The following ZNF451 variants were observed in gnomAD, a reference collection of about 807,000 sequenced individuals.
ZNF451 encodes zinc finger protein 451.
ZNF451 carries 80 observed loss-of-function variants against 107.1 expected under a neutral mutation model. The ratio of observed to expected loss-of-function variants is 0.75; its 90% CI spans 0.62 to 0.90. The LOEUF (loss-of-function observed/expected upper bound fraction) is 0.90, where lower values mean the gene tolerates loss of function less well. Ranked by LOEUF, ZNF451 falls within the 40% of genes least tolerant of loss-of-function variation. ZNF451 has a pLI of 0.00. For synonymous variants in ZNF451, 362 were observed against 406.5 expected (o/e 0.89, Z 1.32); for missense variants, 1,107 against 1,236.2 (o/e 0.90, Z 1.57).
intron 2 of ZNF451, among the ~76,000 whole-genome samples, chr6:57,092,524 A>G (rs947486917): frequency 6.6e-6 from 1 of 152,220 alleles, no homozygotes; most frequent in Non-Finnish European, 1.5e-5. Context: ...AAGCCTATTA[A>G]AAATTTTCCC....
intron 9 of ZNF451, 127 bp downstream of exon 9, chr6:57,142,222 A>G (rs1831804534): frequency 1.7e-6 from 2 of 1,150,320 alleles, no homozygotes; most frequent in East Asian, 4.7e-5. Context: ...CCTGGAAATT[A>G]GCCAAATTTA....
At chr6:57,097,517 A>C (rs1829385859) in intron 2 of ZNF451, among the ~76,000 whole-genome samples, 1 of 152,170 alleles carries the variant, frequency 6.6e-6, no homozygotes, top group Non-Finnish European at 1.5e-5. Flanking sequence ...CTAGTGTTTT[A>C]GAGCCTGGCT....
intron 13 of ZNF451, among the ~76,000 whole-genome samples, chr6:57,156,770 A>G (rs1481164791): frequency 6.6e-6 from 1 of 152,212 alleles, no homozygotes; most frequent in East Asian, 1.9e-4. Flanking sequence ...CCATTTTGGC[A>G]CCAGGGACTG....
In ZNF451 at chr6:57,169,366, A is replaced by G. The variant is rs1283111974; in HGVS notation, c.*897A>G. 1 of 152,046 alleles carries G rather than the reference A, an allele frequency of 6.6e-6. No individual in the cohort carries two copies. Among genetic ancestry groups the G allele is most frequent in the Admixed American group, 6.6e-5 (1 of 15,262 alleles). The allele number at this position is 152,046 out of a possible 1,614,324, so 9.4% of individuals were successfully genotyped here. A position where few individuals can be genotyped will look rare whatever the true frequency, so the allele number is the denominator to read the frequency against. Reference sequence around the variant, plus strand: ...CAGTTTAGTTATTCACTGAATTGTCAGTTTCCTTCATTTGGTATTACATAT... The same window carrying G: ...CAGTTTAGTTATTCACTGAATTGTCGGTTTCCTTCATTTGGTATTACATAT... On this transcript the variant is annotated 3_prime_UTR_variant, in exon 15 of 15. Coordinates refer to ENST00000370706, the MANE Select transcript of ZNF451 (RefSeq NM_001031623.3).
chr6:57,094,223 T>G (rs1829182116), intron 2 of ZNF451, among the ~76,000 whole-genome samples: 1 of 152,238 alleles, frequency 6.6e-6, no homozygotes, highest in African/African-American at 2.4e-5. Context: ...CTAAACTGTT[T>G]TGCCATGCTT....
At chr6:57,158,428 T>C in intron 13 of ZNF451, 1 of 777,818 alleles carries the variant, frequency 1.3e-6, no homozygotes. Context: ...AAAGTGATTA[T>C]ATGCTGAATA....
At chr6:57,132,849 C>CT (rs1187131004) in intron 5 of ZNF451, among the ~76,000 whole-genome samples, 193 bp from the exon 6 acceptor site, 4 of 151,456 alleles carry the variant, frequency 2.6e-5, no homozygotes, top group Admixed American at 6.6e-5. Context: ...ATATTAAGGG[C>CT]TTTTTTTTGG....
At chr6:57,109,179 C>G in intron 3 of ZNF451, 1 of 985,336 alleles carries the variant, frequency 1.0e-6, no homozygotes, top group Non-Finnish European at 1.2e-6. Context: ...TAAGATTATT[C>G]TTGATTCGTA....
In ZNF451 at chr6:57,141,283, G is replaced by T. The variant is rs1214335423; in HGVS notation, c.703-19G>T. The T allele has an allele frequency of 1.3e-6, 2 of 1,578,574 alleles. No individual in the cohort carries two copies. The highest frequency in any genetic ancestry group is 1.8e-5 in the Admixed American group (1 of 56,432). On this transcript the variant is annotated intron_variant, in intron 7 of 14. Coordinates refer to ENST00000370706, the MANE Select transcript of ZNF451 (RefSeq NM_001031623.3). ...GTTTATTTTAGTTTTCCATAATACA[G>T]CTTTGTCTTATATTTTAGGAAGCCA...
chr6:57,104,667 A>G (rs1829764020), intron 3 of ZNF451: 2 of 984,816 alleles, frequency 2.0e-6, no homozygotes, highest in African/African-American at 1.7e-5. Flanking sequence ...AGCGTATGGT[A>G]GTGTTGACTA....
At position 57,170,243 on chromosome 6, in the gene ZNF451, G is replaced by A. The variant is rs551952010; in HGVS notation, c.*1774G>A. On this transcript the variant is annotated 3_prime_UTR_variant, in exon 15 of 15. Coordinates refer to ENST00000370706, the MANE Select transcript of ZNF451 (RefSeq NM_001031623.3). ...TTAGACACAAGGAGATGTAATCGCT[G>A]TGTAACATCAGAGAAAGCTATATGG... 1.8e-4 allele frequency: 28 copies of A among 152,348 alleles called. No individual in the cohort carries two copies. The highest frequency in any genetic ancestry group is 6.5e-4 in the African/African-American group (27 of 41,582). 9.4% of individuals were successfully genotyped at this position (152,348 alleles called of 1,614,324 possible).
At position 57,134,809 on chromosome 6, in the gene ZNF451, G is replaced by A. The variant is rs1438909685; in HGVS notation, c.641G>A (p.Cys214Tyr). ...LHGPFFSSFACVVCYKKFVTQ... is the reference protein window; with the variant it reads ...LHGPFFSSFAYVVCYKKFVTQ... Reference sequence around the variant, plus strand: ...GGACCTTTCTTCAGCTCCTTTGCTTGTGTAGTATGTTATAAAAAATTTGTT... The same window carrying A: ...GGACCTTTCTTCAGCTCCTTTGCTTATGTAGTATGTTATAAAAAATTTGTT... The change falls in exon 7 of 15, where the codon TGT becomes TAT. Residue 214 changes from cysteine to tyrosine, a missense_variant. This residue lies in a region of ZNF451 where 339 missense variants were observed against 372.8 expected (regional missense o/e 0.91). Transcript: ENST00000370706. 1 of 1,612,568 alleles carries A rather than the reference G, an allele frequency of 6.2e-7. No individual in the cohort carries two copies. Among genetic ancestry groups the A allele is most frequent in the South Asian group, 1.1e-5 (1 of 91,002 alleles).
intron 3 of ZNF451, chr6:57,107,701 G>A (rs545423518): frequency 1.0e-6 from 1 of 985,308 alleles, no homozygotes; most frequent in East Asian, 1.1e-4. Flanking sequence ...GTGGTACCTT[G>A]TCAAGAATTC....
At chr6:57,134,988 A>C in intron 7 of ZNF451, 118 bp downstream of exon 7, 2 of 797,364 alleles carry the variant, frequency 2.5e-6, no homozygotes, top group Non-Finnish European at 1.9e-6. Flanking sequence ...AAGTATCAAA[A>C]CTGTAATTGT....
chr6:57,168,557 T>G lies in ZNF451; in HGVS notation c.*88T>G. Reference sequence around the variant, plus strand: ...TTTGTTTTCTAAAGGAGACCAGAAATCCACTATTACAAATGTATTTGAAAA... The same window carrying G: ...TTTGTTTTCTAAAGGAGACCAGAAAGCCACTATTACAAATGTATTTGAAAA... On this transcript the variant is annotated 3_prime_UTR_variant, in exon 15 of 15. Transcript: ENST00000370706. The G allele has an allele frequency of 2.0e-6, 2 of 993,082 alleles. No homozygotes were observed. Among genetic ancestry groups the G allele is most frequent in the Admixed American group, 4.4e-5 (2 of 45,698 alleles). The allele number at this position is 993,082 out of a possible 1,614,324, so 61.5% of individuals were successfully genotyped here.
intron 12 of ZNF451, 24 bp from the exon 13 acceptor site, chr6:57,153,837 C>T: frequency 1.9e-6 from 3 of 1,611,522 alleles, no homozygotes; most frequent in Non-Finnish European, 2.5e-6. Flanking sequence ...TTTTTATCAA[C>T]CTGTGCCATT....
chr6:57,099,299 T>G (rs1829473163), intron 3 of ZNF451, among the ~76,000 whole-genome samples, 158 bp downstream of exon 3: 1 of 152,164 alleles, frequency 6.6e-6, no homozygotes, highest in South Asian at 2.1e-4. Context: ...TGCCCAGATC[T>G]CCTACTTCCA....
At chr6:57,106,409 A>G in intron 3 of ZNF451, 2 of 693,054 alleles carry the variant, frequency 2.9e-6, no homozygotes, top group Admixed American at 6.5e-5. Context: ...TCCCGGGTTC[A>G]AGCAATTCTG....
At chr6:57,119,773 AG>A (rs1423990818) in intron 3 of ZNF451, among the ~76,000 whole-genome samples, 3 of 152,072 alleles carry the variant, frequency 2.0e-5, no homozygotes, top group African/African-American at 7.2e-5. Context: ...AGAAAAATGT[AG>A]GCATAAGATA....
Sources: allele counts gnomAD v4.1 joint callset (sites outside exome capture counted in the v4.1 genomes callset), GRCh38; gene constraint gnomAD v4.1.1; regional missense constraint gnomAD v4.1.1; transcripts MANE v1.5; gene names NCBI Gene and HGNC (gene_info 2026-07-23, HGNC 2026-07-21).